The following TG variants were observed in gnomAD, a reference collection of about 807,000 sequenced individuals.
TG encodes the protein thyroid hormones.
Under a neutral mutation model 324.7 loss-of-function variants are expected in TG, and 270 were observed. The observed-to-expected ratio is 0.83, with a 90% CI of 0.75 to 0.92. The LOEUF (loss-of-function observed/expected upper bound fraction) is 0.92. Among genes scored for constraint, TG ranks in the 40% least tolerant of loss-of-function variants. The pLI is 0.00. For missense variants in TG, 3,591 were observed against 3,456.4 expected (o/e 1.04, Z -0.98); for synonymous variants, 1,401 against 1,327.0 (o/e 1.06, Z -1.21).
chr8:133,060,413 A>G (rs759200288), intron 41 of TG: 71 of 1,498,160 alleles, frequency 4.7e-5, no homozygotes, highest in Non-Finnish European at 5.9e-5. Context: ...AACCACAGAG[A>G]GGGAAGTTGC....
chr8:132,956,187 G>A (rs1336989870), intron 27 of TG, among the ~76,000 whole-genome samples: 2 of 152,122 alleles, frequency 1.3e-5, no homozygotes, highest in Non-Finnish European at 2.9e-5. Flanking sequence ...ACTAATTTGG[G>A]GCTAACCTTC....
chr8:132,869,362 C>T (rs1839261623), intron 2 of TG, among the ~76,000 whole-genome samples: 1 of 152,204 alleles, frequency 6.6e-6, no homozygotes, highest in Admixed American at 6.5e-5. Flanking sequence ...CCCCCAAGCC[C>T]CCACTCCCTA....
intron 1 of TG, 152 bp downstream of exon 1, chr8:132,867,219 C>T (rs1839016282): frequency 2.8e-6 from 2 of 712,324 alleles, no homozygotes; most frequent in East Asian, 2.7e-5. Flanking sequence ...GATGAAGAGG[C>T]AGATTTAGAG....
intron 40 of TG, among the ~76,000 whole-genome samples, 189 bp from the exon 41 acceptor site, chr8:133,029,632 G>A (rs1057242477): frequency 1.3e-5 from 2 of 152,234 alleles, no homozygotes; most frequent in Non-Finnish European, 2.9e-5. Context: ...GCCTATGTGT[G>A]TCTGGTCTCA....
intron 26 of TG, among the ~76,000 whole-genome samples, chr8:132,946,496 T>C (rs1224873610): frequency 6.6e-6 from 1 of 152,214 alleles, no homozygotes; most frequent in East Asian, 1.9e-4. Flanking sequence ...TTTTAACTTA[T>C]GAAGATTTGG....
In TG at chr8:133,102,974, C is replaced by T. The variant is rs16904835; in HGVS notation, c.7572+6601C>T. The T allele has an allele frequency of 7.6e-3, 1,886 of 248,156 alleles. 39 individuals carry two copies. The highest frequency in any genetic ancestry group is 0.04 in the African/African-American group (1,798 of 44,590). 15.4% of individuals were successfully genotyped at this position (248,156 alleles called of 1,614,324 possible). ...CACCTGGCAGCCCGAGGCGCTGGCACGAGCCCCAGCACAGGAATATCCAGT... is the reference window on the plus strand; with the variant it reads ...CACCTGGCAGCCCGAGGCGCTGGCATGAGCCCCAGCACAGGAATATCCAGT... On this transcript the variant is annotated intron_variant, in intron 43 of 47. Coordinates refer to ENST00000220616, the MANE Select transcript of TG (RefSeq NM_003235.5).
At chr8:133,023,448 A>T (rs1405069852) in intron 40 of TG, among the ~76,000 whole-genome samples, 1 of 152,156 alleles carries the variant, frequency 6.6e-6, no homozygotes, top group Non-Finnish European at 1.5e-5. Flanking sequence ...AAGGAAAATT[A>T]TCCCCACCCT....
chr8:133,003,425 T>C (rs1383160635), intron 35 of TG, among the ~76,000 whole-genome samples: 1 of 150,876 alleles, frequency 6.6e-6, no homozygotes, highest in Non-Finnish European at 1.5e-5. Flanking sequence ...TTTTTTTTTT[T>C]GTGGTGAGAA....
intron 25 of TG, among the ~76,000 whole-genome samples, chr8:132,937,255 G>A (rs535428059): frequency 4.6e-5 from 7 of 152,258 alleles, no homozygotes; most frequent in African/African-American, 1.4e-4. Flanking sequence ...CAAGTGGCTC[G>A]GGGCTTCCAG....
At chr8:133,104,395 G>T (rs1452288060) in intron 43 of TG, among the ~76,000 whole-genome samples, 1 of 152,212 alleles carries the variant, frequency 6.6e-6, no homozygotes, top group East Asian at 1.9e-4. Context: ...TGTGACCCAG[G>T]AAGTAGAGAT....
At chr8:132,931,619 G>A (rs1268520711) in intron 23 of TG, among the ~76,000 whole-genome samples, 2 of 152,138 alleles carry the variant, frequency 1.3e-5, no homozygotes, top group Admixed American at 6.5e-5. Context: ...TTCTAGTTCA[G>A]CACTTAACCA....
In TG at chr8:132,972,581, T is replaced by C. The variant is rs202068668; in HGVS notation, c.6056-17T>C. 6.2e-7 allele frequency: 1 copy of C among 1,607,090 alleles called. No homozygotes were observed. The highest frequency in any genetic ancestry group is 1.7e-5 in the Admixed American group (1 of 59,420). Reference sequence around the variant, plus strand: ...TTTCCTGATTGTGGTTTTTTGTTTTTTTTTTTTCCACCCCAGGAGGAGAGG... The same window carrying C: ...TTTCCTGATTGTGGTTTTTTGTTTTCTTTTTTTCCACCCCAGGAGGAGAGG... On this transcript the variant is annotated splice_polypyrimidine_tract_variant and intron_variant, in intron 33 of 47. Coordinates refer to ENST00000220616, the MANE Select transcript of TG (RefSeq NM_003235.5).
intron 41 of TG, chr8:133,059,193 C>T (rs1243415789): frequency 4.4e-6 from 2 of 452,336 alleles, no homozygotes; most frequent in East Asian, 1.4e-4. Flanking sequence ...GTGGTCACCC[C>T]TGCGAGGAAA....
At chr8:133,040,612 A>G (rs1201760473) in intron 41 of TG, among the ~76,000 whole-genome samples, 1 of 152,170 alleles carries the variant, frequency 6.6e-6, no homozygotes, top group Non-Finnish European at 1.5e-5. Context: ...GTGCATTTAC[A>G]ATGGAACAGG....
intron 41 of TG, among the ~76,000 whole-genome samples, chr8:133,065,238 C>T (rs751915958): frequency 6.6e-6 from 1 of 152,164 alleles, no homozygotes; most frequent in Non-Finnish European, 1.5e-5. Context: ...AAGTACTGTC[C>T]AGCCAGTATG....
chr8:132,910,855 C>A (rs1162858205), intron 18 of TG, among the ~76,000 whole-genome samples: 3 of 152,168 alleles, frequency 2.0e-5, no homozygotes, highest in African/African-American at 7.2e-5. Context: ...TGGACCAAAG[C>A]CTGGCACCAT....
intron 37 of TG, among the ~76,000 whole-genome samples, chr8:133,015,732 A>C (rs6471109): frequency 6.6e-6 from 1 of 151,954 alleles, no homozygotes; most frequent in African/African-American, 2.4e-5. Flanking sequence ...GTGCTTGCCC[A>C]AGACCCCTTG....
At chr8:132,994,755 G>A in intron 35 of TG, 18 of 1,288,666 alleles carry the variant, frequency 1.4e-5, no homozygotes, top group Non-Finnish European at 1.8e-5. Flanking sequence ...CAGCTGAAGA[G>A]GATGGAGTGA....
intron 4 of TG, among the ~76,000 whole-genome samples, chr8:132,872,008 C>G (rs1839524818): frequency 6.6e-6 from 1 of 151,924 alleles, no homozygotes; most frequent in South Asian, 2.1e-4. Context: ...GTGTGTATCT[C>G]TTAGTTTTTA....
Sources: allele counts gnomAD v4.1 joint callset (sites outside exome capture counted in the v4.1 genomes callset), GRCh38; gene constraint gnomAD v4.1.1; transcripts MANE v1.5; gene names NCBI Gene and HGNC (gene_info 2026-07-23, HGNC 2026-07-21).